PRDM2: variants seen among roughly 807,000 people sequenced by gnomAD.
The protein encoded by PRDM2 is PR domain zinc finger protein 2.
Under a neutral mutation model 130.0 loss-of-function variants are expected in PRDM2, and 30 were observed. The ratio of observed to expected loss-of-function variants is 0.23; its 90% confidence interval spans 0.17 to 0.31. The LOEUF is 0.31. PRDM2 is among the 10% of genes least tolerant of loss of function. The pLI is 1.00. For synonymous variants in PRDM2, 871 were observed against 782.4 expected (o/e 1.11, Z -1.89); for missense variants, 2,011 against 2,108.4 (o/e 0.95, Z 0.90).
At position 13,779,289 on chromosome 1, in the gene PRDM2, G is replaced by A; in HGVS notation, c.1494G>A (p.Met498Ile). 1.2e-6 allele frequency: 2 copies of A among 1,614,090 alleles called. No homozygotes were observed. Among genetic ancestry groups the A allele is most frequent in the Non-Finnish European group, 1.7e-6 (2 of 1,179,982 alleles). ...AGGTTTTTGGAACTCATACTAATAT[G>A]AGACGGCATCAGCGTAGAGTTCACG... ...CKKVFGTHTN[M>I]RRHQRRVHER... Residue 498 changes from methionine (M) to isoleucine (I), a missense_variant, in exon 8 of 10, where the codon ATG (methionine) becomes ATA (isoleucine). Met to Ile is a conservative substitution (Grantham distance 10). Coordinates refer to ENST00000311066, the MANE Select transcript of PRDM2 (RefSeq NM_001393986.1). The surrounding 1 kb of genome is among the most constrained non-coding windows in gnomAD (Gnocchi z 4.9).
At chr1:13,749,515 GCCCCGGCGCCACGCCCGC>G in intron 6 of PRDM2, 28 bp downstream of exon 6, 1 of 1,286,458 alleles carries the variant, frequency 7.8e-7, no homozygotes, top group Non-Finnish European at 1.0e-6. Flanking sequence ...CGCCCGCCCG[GCCCCGGCGCCACGCCCGC>G]CCAGGACGCC....
In PRDM2 at chr1:13,780,493, G is replaced by C; in HGVS notation, c.2698G>C (p.Asp900His). The stretch of plus-strand genomic sequence containing the variant: ...TCTTCTCAATGAATATAATGGCATC[G>C]ATTTACCTGTAGAAAACCCTGCAGA... ...KVLLNEYNGI[D>H]LPVENPADGT... is the part of the protein sequence containing the mutation. Residue 900 changes from aspartate (D) to histidine (H), a missense_variant, in exon 8 of 10, where the codon GAT (aspartate) becomes CAT (histidine). Transcript: ENST00000311066. 1 of 1,614,136 alleles carries C rather than the reference G, an allele frequency of 6.2e-7. No homozygotes were observed. Among genetic ancestry groups the C allele is most frequent in the Non-Finnish European group, 8.5e-7 (1 of 1,180,036 alleles).
intron 1 of PRDM2, among the ~76,000 whole-genome samples, chr1:13,705,950 C>A (rs1022152391): frequency 3.4e-5 from 5 of 146,270 alleles, no homozygotes; most frequent in Non-Finnish European, 5.9e-5. Flanking sequence ...CCACTGCACT[C>A]CAGCCTGGGA....
chr1:13,813,646 T>C (rs892872947), intron 8 of PRDM2, among the ~76,000 whole-genome samples: 2 of 152,178 alleles, frequency 1.3e-5, no homozygotes, highest in African/African-American at 4.8e-5. Flanking sequence ...GAGAAAGTCC[T>C]TGGGAGTCAT....
At chr1:13,809,212 G>C (rs1447976523) in intron 8 of PRDM2, among the ~76,000 whole-genome samples, 1 of 152,232 alleles carries the variant, frequency 6.6e-6, no homozygotes, top group Non-Finnish European at 1.5e-5. Context: ...GGTTTTGACA[G>C]GTTGCAGCAG....
At position 13,806,915 on chromosome 1, in the gene PRDM2, G is replaced by A. The variant is rs532453614; in HGVS notation, c.5037-9512G>A. On this transcript the variant is annotated intron_variant, in intron 8 of 9. Coordinates refer to ENST00000311066, the MANE Select transcript of PRDM2 (RefSeq NM_001393986.1). This position sits in a 1 kb window ranked among gnomAD's most constrained non-coding sequence, Gnocchi z 4.1. ...ACTTCCTGTCCCCACTTCCTGGAAC[G>A]CACAAGGCGTAGTATCCGGACCGAT... 3.9e-5 allele frequency among the ~76,000 whole-genome samples: 6 copies of A among 152,046 alleles called. No individual in the cohort carries two copies. Among genetic ancestry groups the A allele is most frequent in the East Asian group, 1.9e-4 (1 of 5,184 alleles).
Position 13,779,760 on chromosome 1 carries a change from C to A in PRDM2, c.1965C>A (p.Asp655Glu). 6.2e-7 allele frequency: 1 copy of A among 1,614,206 alleles called. No individual in the cohort carries two copies. Among genetic ancestry groups the A allele is most frequent in the Non-Finnish European group, 8.5e-7 (1 of 1,180,028 alleles). The change falls in exon 8 of 10, where the codon GAC becomes GAA. Residue 655 changes from aspartate (D) to glutamate (E), a missense_variant. Around this residue, in one of 5 missense-constraint regions of PRDM2, gnomAD observed 1,288 missense variants for 1,237.7 expected, o/e 1.04. Coordinates refer to ENST00000311066, the MANE Select transcript of PRDM2 (RefSeq NM_001393986.1). This position sits in a 1 kb window ranked among gnomAD's most constrained non-coding sequence, Gnocchi z 4.9. The stretch of plus-strand genomic sequence containing the variant: ...TGCCCAAAATTAAGGCCGAAACAGA[C>A]TCTGACCCCATGGTCCCCTCTTGCT... The part of the protein sequence containing the change: ...PALPKIKAET[D>E]SDPMVPSCSL...
chr1:13,750,630 A>G (rs2100542217), intron 6 of PRDM2, among the ~76,000 whole-genome samples: 1 of 152,320 alleles, frequency 6.6e-6, no homozygotes, highest in South Asian at 2.1e-4. Flanking sequence ...CACAAAATGG[A>G]AATAGAATTA....
chr1:13,817,086 C>T (rs974133353), intron 9 of PRDM2, among the ~76,000 whole-genome samples: 2 of 152,164 alleles, frequency 1.3e-5, no homozygotes, highest in African/African-American at 4.8e-5. Flanking sequence ...GGTGGAGTAA[C>T]CCTAATCCAA....
At chr1:13,702,758 T>G (rs1642104841) in intron 1 of PRDM2, among the ~76,000 whole-genome samples, 1 of 152,206 alleles carries the variant, frequency 6.6e-6, no homozygotes, top group Admixed American at 6.5e-5. Context: ...TTAGGTTATT[T>G]ACTATTTTCA....
intron 6 of PRDM2, among the ~76,000 whole-genome samples, chr1:13,768,220 C>G (rs1187570872): frequency 2.9e-5 from 4 of 139,114 alleles, no homozygotes; most frequent in South Asian, 4.6e-4. Flanking sequence ...TGGGACTATA[C>G]TACAGGCGCC....
In PRDM2 at chr1:13,782,811, G is replaced by A; in HGVS notation, c.5016G>A (p.Lys1672=). Residue 1672 remains lysine, a synonymous_variant, in exon 8 of 10, where the codon AAG becomes AAA. Coordinates refer to ENST00000311066, the MANE Select transcript of PRDM2 (RefSeq NM_001393986.1). ...SENKREDGSA[K]QELKDFSYSL... Reference sequence around the variant, plus strand: ...ACAAGAGAGAGGACGGCAGCGCCAAGCAGGAGCTGAAGGACTTCAGGTAAG... The same window carrying A: ...ACAAGAGAGAGGACGGCAGCGCCAAACAGGAGCTGAAGGACTTCAGGTAAG... 10 of 1,608,568 alleles carry A rather than the reference G, an allele frequency of 6.2e-6. No individual in the cohort carries two copies. Among genetic ancestry groups the A allele is most frequent in the Non-Finnish European group, 8.5e-6 (10 of 1,178,878 alleles).
intron 9 of PRDM2, among the ~76,000 whole-genome samples, chr1:13,822,225 C>T (rs751721694): frequency 6.6e-6 from 1 of 152,058 alleles, no homozygotes; most frequent in East Asian, 1.9e-4. Context: ...TATGGACATC[C>T]TACGACCCAG....
intron 8 of PRDM2, among the ~76,000 whole-genome samples, chr1:13,790,246 A>T (rs1278948905): frequency 6.6e-6 from 1 of 151,960 alleles, no homozygotes; most frequent in Non-Finnish European, 1.5e-5. Flanking sequence ...GTAGCTCTCA[A>T]TTGCTAGAGG....
At chr1:13,811,905 C>T (rs1645178888) in intron 8 of PRDM2, among the ~76,000 whole-genome samples, 1 of 152,178 alleles carries the variant, frequency 6.6e-6, no homozygotes, top group Non-Finnish European at 1.5e-5. Context: ...CAGAGGAGGG[C>T]AGGGCAGGGG....
In PRDM2 at chr1:13,778,883, A is replaced by T. The variant is rs113848288; in HGVS notation, c.1088A>T (p.Gln363Leu). 5.8e-5 allele frequency: 94 copies of T among 1,614,248 alleles called. 1 individual carries two copies. In the African/African-American group the frequency reaches 1.0e-3, roughly 17 times the overall value. ...DVFETFMFPC[Q>L]HCERKFTTKQ... ...TTTGAAACGTTTATGTTTCCGTGTC[A>T]ACATTGTGAAAGGAAGTTTACAACC... Residue 363 changes from glutamine (Q) to leucine (L), a missense_variant, in exon 8 of 10, where the codon CAA becomes CTA. Physicochemically the swap from Gln to Leu is moderately radical, Grantham distance 113 (BLOSUM62 -2). Around this residue, in one of 5 missense-constraint regions of PRDM2, gnomAD observed 1,288 missense variants for 1,237.7 expected, o/e 1.04. Coordinates refer to ENST00000311066, the MANE Select transcript of PRDM2 (RefSeq NM_001393986.1).
intron 6 of PRDM2, among the ~76,000 whole-genome samples, chr1:13,764,491 C>T (rs1020479498): frequency 6.6e-6 from 1 of 152,210 alleles, no homozygotes; most frequent in South Asian, 2.1e-4. Context: ...TTAATGCTTT[C>T]TTATCTTGAA....
At position 13,771,490 on chromosome 1, in the gene PRDM2, G is replaced by A. The variant is rs781557810; in HGVS notation, c.512-1588G>A. 2.6e-5 allele frequency among the ~76,000 whole-genome samples: 4 copies of A among 152,258 alleles called. No homozygotes were observed. Among genetic ancestry groups the A allele is most frequent in the Non-Finnish European group, 5.9e-5 (4 of 68,048 alleles). ...CTCATGCCTGTAATCCCAGCACTCT[G>A]GGAGGCCGAGGCAGGCGGATCATGA... On this transcript the variant is annotated intron_variant, in intron 6 of 9. Coordinates refer to ENST00000311066, the MANE Select transcript of PRDM2 (RefSeq NM_001393986.1). This position sits in a 1 kb window ranked among gnomAD's most constrained non-coding sequence, Gnocchi z 4.1.
chr1:13,765,740 C>T (rs1434144122), intron 6 of PRDM2, among the ~76,000 whole-genome samples: 1 of 152,226 alleles, frequency 6.6e-6, no homozygotes, highest in African/African-American at 2.4e-5. Context: ...GTTGGGATTA[C>T]AGGCGTGAGC....
Sources: gnomAD v4.1 joint callset for allele counts (sites outside exome capture counted in the v4.1 genomes callset) on GRCh38, gnomAD v4.1.1 for gene constraint, gnomAD v4.1.1 regional missense constraint, Gnocchi (gnomAD v3.1) non-coding constraint, MANE v1.5 for transcripts, NCBI Gene and HGNC (gene_info 2026-07-23, HGNC 2026-07-21) for gene names.